The following MAGI1 variants were observed in gnomAD, a reference collection of about 807,000 sequenced individuals.
MAGI1 encodes the protein membrane associated guanylate kinase, WW and PDZ domain containing 1, also known as membrane-associated guanylate kinase, WW and PDZ domain-containing protein 1.
A neutral mutation model predicts 139.9 loss-of-function variants in MAGI1; 58 were observed. The observed-to-expected ratio is 0.41, with a 90% confidence interval of 0.34 to 0.52. MAGI1 has a LOEUF of 0.52. Among genes scored for constraint, MAGI1 ranks in the 20% least tolerant of loss-of-function variants. The probability of loss-of-function intolerance (pLI) is 0.12; values close to 1 mark genes in which losing one functional copy is unlikely to be tolerated. For missense variants in MAGI1, 1,874 were observed against 1,901.6 expected (o/e 0.99, Z 0.27); for synonymous variants, 812 against 737.9 (o/e 1.10, Z -1.63).
At chr3:65,606,617 A>G (rs991222619) in intron 2 of MAGI1, among the ~76,000 whole-genome samples, 1 of 152,174 alleles carries the variant, frequency 6.6e-6, no homozygotes, top group Non-Finnish European at 1.5e-5. Context: ...TCCCAGGCTC[A>G]AGTGACTCTC....
At chr3:65,665,526 C>T (rs1213230036) in intron 1 of MAGI1, among the ~76,000 whole-genome samples, 1 of 152,130 alleles carries the variant, frequency 6.6e-6, no homozygotes, top group Non-Finnish European at 1.5e-5. Flanking sequence ...AAGAAATGAA[C>T]ATTAAAGTGT....
At chr3:65,807,794 T>A (rs2040961693) in intron 1 of MAGI1, among the ~76,000 whole-genome samples, 1 of 152,204 alleles carries the variant, frequency 6.6e-6, no homozygotes, top group Non-Finnish European at 1.5e-5. Context: ...CACAACGTGA[T>A]AATCCTCAGA....
chr3:65,892,614 T>G (rs529160085), intron 1 of MAGI1, among the ~76,000 whole-genome samples: 108 of 152,318 alleles, frequency 7.1e-4, no homozygotes, highest in African/African-American at 2.6e-3. Flanking sequence ...AACATTTATG[T>G]ATTAGGTGTT....
intron 1 of MAGI1, among the ~76,000 whole-genome samples, chr3:65,880,101 G>A (rs559769648): frequency 6.6e-6 from 1 of 152,298 alleles, no homozygotes; most frequent in African/African-American, 2.4e-5. Context: ...AATTAGCTGG[G>A]TATGGTGGCA....
intron 18 of MAGI1, among the ~76,000 whole-genome samples, chr3:65,375,469 G>A (rs1942426395): frequency 6.6e-6 from 1 of 151,894 alleles, no homozygotes; most frequent in Non-Finnish European, 1.5e-5. Flanking sequence ...TTACAGGCGT[G>A]AGCCACCGCA....
At chr3:65,949,398 A>G (rs2063690047) in intron 1 of MAGI1, among the ~76,000 whole-genome samples, 1 of 152,242 alleles carries the variant, frequency 6.6e-6, no homozygotes, top group Non-Finnish European at 1.5e-5. Context: ...AAGAAAACAA[A>G]ACAGAATTCA....
rs117337717 is a variant in MAGI1, at chr3:65,848,372, G to A, written c.313+189624C>T. 1.3e-4 allele frequency among the ~76,000 whole-genome samples: 20 copies of A among 152,198 alleles called. No homozygotes were observed. The East Asian group carries it at 2.9e-3, about 22-fold the overall frequency. ...GCAGGCTTAATAAGAAGCTGACATC[G>A]ATATCTGATGGCCTGAGAATCTACT... On this transcript the variant is annotated intron_variant, in intron 1 of 22. Coordinates refer to ENST00000402939, the MANE Select transcript of MAGI1 (RefSeq NM_001033057.2).
chr3:65,580,917 C>CA (rs1559690267), intron 2 of MAGI1, among the ~76,000 whole-genome samples: 1 of 152,108 alleles, frequency 6.6e-6, no homozygotes, highest in Non-Finnish European at 1.5e-5. Flanking sequence ...CAGAGTTAAA[C>CA]AATTATCTTC....
At chr3:65,487,095 A>C (rs1370563906) in intron 3 of MAGI1, among the ~76,000 whole-genome samples, 1 of 152,188 alleles carries the variant, frequency 6.6e-6, no homozygotes, top group Non-Finnish European at 1.5e-5. Context: ...TGCCAGATGA[A>C]ATGCAAGACA....
Position 65,949,993 on chromosome 3 carries a change from G to A in MAGI1, c.313+88003C>T, listed in dbSNP as rs554792047. On this transcript the variant is annotated intron_variant, in intron 1 of 22. Coordinates refer to ENST00000402939, the MANE Select transcript of MAGI1 (RefSeq NM_001033057.2). ...GAGCCCAGGATGGGGAGGCTGCAGT[G>A]AGCCGAGATGGCACCACTGCACTCC... Among the ~76,000 whole-genome samples the A allele has an allele frequency of 1.7e-4, 24 of 137,908 alleles. No homozygotes were observed. The East Asian group carries it at 2.8e-3, about 16-fold the overall frequency. The allele number at this position is 137,908 out of a possible 152,430, so 90.5% of individuals were successfully genotyped here. A position where few individuals can be genotyped will look rare whatever the true frequency, so the allele number is the denominator to read the frequency against.
At chr3:65,602,083 C>A (rs7629574) in intron 2 of MAGI1, among the ~76,000 whole-genome samples, 40,291 of 151,878 alleles carry the variant, frequency 0.27, 5,610 homozygotes, top group African/African-American at 0.3. Flanking sequence ...AAGTAAGTAA[C>A]GATGTTGATA....
chr3:65,398,337 C>CA (rs1157025845), intron 13 of MAGI1, among the ~76,000 whole-genome samples: 5 of 151,960 alleles, frequency 3.3e-5, no homozygotes, highest in Admixed American at 6.6e-5. Context: ...CCCGCCTCTA[C>CA]AAAAAATATA....
intron 2 of MAGI1, among the ~76,000 whole-genome samples, chr3:65,591,061 G>A (rs899727458): frequency 6.6e-6 from 1 of 152,110 alleles, no homozygotes; most frequent in South Asian, 2.1e-4. Context: ...ACGTGTGCAA[G>A]GATGTTCCTT....
At chr3:65,742,070 G>A (rs1432754087) in intron 1 of MAGI1, among the ~76,000 whole-genome samples, 1 of 152,000 alleles carries the variant, frequency 6.6e-6, no homozygotes, top group Non-Finnish European at 1.5e-5. Context: ...ACTCGCATGG[G>A]GATATGATAT....
chr3:65,493,611 C>A lies in MAGI1; in HGVS notation c.451G>T (p.Glu151Ter). The A allele has an allele frequency of 6.2e-7, 1 of 1,614,174 alleles. No individual in the cohort carries two copies. Among genetic ancestry groups the A allele is most frequent in the Non-Finnish European group, 8.5e-7 (1 of 1,180,034 alleles). The change falls in exon 3 of 23, where the codon GAA becomes TAA. Residue 151 changes from glutamate (E) to a stop codon, truncating the protein, a stop_gained. Transcript: ENST00000402939. LOFTEE classifies it high-confidence loss of function. Reference protein sequence around the residue: ...AVPCTTRSPREGEVPGVDYNF... With the variant: ...AVPCTTRSPR ...TAGTCCACGCCAGGCACTTCTCCTTCTCTGGGAGATCGGGTTGTGCCTGTA... is the reference window on the plus strand; with the variant it reads ...TAGTCCACGCCAGGCACTTCTCCTTATCTGGGAGATCGGGTTGTGCCTGTA...
intron 1 of MAGI1, among the ~76,000 whole-genome samples, chr3:65,977,830 C>G (rs2065344381): frequency 6.6e-6 from 1 of 152,132 alleles, no homozygotes; most frequent in African/African-American, 2.4e-5. Context: ...AGTTCTTCCT[C>G]AAACCTGCCA....
chr3:66,020,523 G>T (rs879686727), intron 1 of MAGI1, among the ~76,000 whole-genome samples: 14 of 152,152 alleles, frequency 9.2e-5, no homozygotes, highest in Admixed American at 9.2e-4. Flanking sequence ...TATGTAGGTT[G>T]TATCTTCACA....
rs191943219 is a variant in MAGI1, at chr3:65,981,953, A to C, written c.313+56043T>G. On this transcript the variant is annotated intron_variant, in intron 1 of 22. Transcript: ENST00000402939. ...ATACAGTATTAAATGCTCAAGAGAT[A>C]GCATGTATGTATTTTACATAGAGTT... Among the ~76,000 whole-genome samples, 4 of 152,336 alleles carry C rather than the reference A, an allele frequency of 2.6e-5. No homozygotes were observed. In the East Asian group the frequency reaches 7.7e-4, roughly 29 times the overall value.
chr3:65,479,778 A>T (rs1575934975), intron 3 of MAGI1, among the ~76,000 whole-genome samples: 1 of 152,186 alleles, frequency 6.6e-6, no homozygotes, highest in Admixed American at 6.5e-5. Context: ...CTATTTTTTT[A>T]AAGTTATTTT....
Sources: gnomAD v4.1 joint callset for allele counts (sites outside exome capture counted in the v4.1 genomes callset) on GRCh38, gnomAD v4.1.1 for gene constraint, MANE v1.5 for transcripts, NCBI Gene and HGNC (gene_info 2026-07-23, HGNC 2026-07-21) for gene names.